TEX14: variants seen among roughly 807,000 people sequenced by gnomAD.
TEX14 encodes testis expressed 14, intercellular bridge forming factor.
In TEX14, 168 loss-of-function variants were observed where a neutral mutation model predicts 178.6. That is an observed-to-expected ratio of 0.94 (90% CI 0.83 to 1.07). The LOEUF (loss-of-function observed/expected upper bound fraction) is 1.07. Ranked by LOEUF, TEX14 falls within the 50% of genes least tolerant of loss-of-function variation. TEX14 has a pLI of 0.00. For synonymous variants in TEX14, 626 were observed against 634.1 expected (o/e 0.99, Z 0.19); for missense variants, 1,730 against 1,753.6 (o/e 0.99, Z 0.24).
intron 4 of TEX14, 49 bp downstream of exon 4, chr17:58,622,798 C>A: frequency 6.4e-7 from 1 of 1,554,908 alleles, no homozygotes; most frequent in Non-Finnish European, 8.8e-7. Context: ...TGACTCTCAG[C>A]CCAGTACTCT....
chr17:58,598,836 T>C, intron 14 of TEX14, 40 bp downstream of exon 14: 3 of 1,524,462 alleles, frequency 2.0e-6, no homozygotes, highest in Non-Finnish European at 2.7e-6. Flanking sequence ...TTTCTTTTCC[T>C]GGATCTTTTG....
At chr17:58,650,510 A>G (rs928594253) in intron 2 of TEX14, among the ~76,000 whole-genome samples, 3 of 152,176 alleles carry the variant, frequency 2.0e-5, no homozygotes, top group Admixed American at 6.5e-5. Context: ...GGGGTAGTAC[A>G]TGGAAAGGTT....
chr17:58,624,450 T>C (rs1053747980), intron 3 of TEX14, among the ~76,000 whole-genome samples: 16 of 150,974 alleles, frequency 1.1e-4, no homozygotes, highest in Non-Finnish European at 2.4e-4. Flanking sequence ...AAGTGGTTCT[T>C]CTGCCTCAGC....
intron 1 of TEX14, among the ~76,000 whole-genome samples, chr17:58,683,841 C>G (rs1398462280): frequency 6.7e-6 from 1 of 149,500 alleles, no homozygotes. Flanking sequence ...CTGAGGCGGG[C>G]GGATCACAAG....
intron 3 of TEX14, among the ~76,000 whole-genome samples, chr17:58,623,241 C>G (rs924697019): frequency 6.6e-6 from 1 of 151,902 alleles, no homozygotes; most frequent in African/African-American, 2.4e-5. Flanking sequence ...TTCACTCAAC[C>G]CTTCAAGGAA....
rs758983719 is a variant in TEX14 at position 58,598,875 on chromosome 17, C to A, written c.2469+1G>T. On this transcript the variant is annotated splice_donor_variant, in intron 14 of 31. Coordinates refer to ENST00000349033, the MANE Select transcript of TEX14 (RefSeq NM_031272.5). LOFTEE classifies it high-confidence loss of function. ...AAATGTCCCCCTTGAAAGTCTCTTA[C>A]CATTCTTGGAAATCTTGGTAGGGTT... 3.8e-6 allele frequency: 6 copies of A among 1,592,278 alleles called. No homozygotes were observed. The highest frequency in any genetic ancestry group is 4.3e-6 in the Non-Finnish European group (5 of 1,170,400).
At position 58,630,426 on chromosome 17, in the gene TEX14, A is replaced by G; in HGVS notation, c.251+14T>C. On this transcript the variant is annotated intron_variant, in intron 3 of 31. Coordinates refer to ENST00000349033, the MANE Select transcript of TEX14 (RefSeq NM_031272.5). ...CAACCCCTATTTTCTAGACATCAAT[A>G]TTATTGTACTTACTGATTTGGATCT... The G allele has an allele frequency of 1.9e-6, 3 of 1,558,214 alleles. No homozygotes were observed. Among genetic ancestry groups the G allele is most frequent in the South Asian group, 2.2e-5 (2 of 89,842 alleles).
chr17:58,559,448 C>T lies in TEX14; in HGVS notation c.4267+5G>A. On this transcript the variant is annotated splice_donor_5th_base_variant and intron_variant, in intron 30 of 31. Transcript: ENST00000349033. ...ACTACATTATAAACATACATTAATT[C>T]ATACCTTCTTCAGAAGTCCCTAGAA... 8.1e-7 allele frequency: 1 copy of T among 1,229,874 alleles called. No individual in the cohort carries two copies. The highest frequency in any genetic ancestry group is 1.2e-6 in the Non-Finnish European group (1 of 835,954). 76.2% of individuals were successfully genotyped at this position (1,229,874 alleles called of 1,614,324 possible).
At chr17:58,655,410 T>C (rs1227123957) in intron 1 of TEX14, among the ~76,000 whole-genome samples, 1 of 151,894 alleles carries the variant, frequency 6.6e-6, no homozygotes, top group African/African-American at 2.4e-5. Flanking sequence ...TCTCGATCTA[T>C]TGACCTCATG....
At chr17:58,566,146 T>C (rs1382471159) in intron 26 of TEX14, among the ~76,000 whole-genome samples, 1 of 152,132 alleles carries the variant, frequency 6.6e-6, no homozygotes, top group Non-Finnish European at 1.5e-5. Flanking sequence ...AAAATAGAAA[T>C]GATGATGATC....
At chr17:58,690,693 A>C (rs1439089674) in intron 1 of TEX14, among the ~76,000 whole-genome samples, 1 of 152,176 alleles carries the variant, frequency 6.6e-6, no homozygotes, top group Non-Finnish European at 1.5e-5. Context: ...AAGTTAAGCA[A>C]TGGGTTGAGT....
intron 10 of TEX14, among the ~76,000 whole-genome samples, chr17:58,609,031 G>A (rs1651377471): frequency 6.6e-6 from 1 of 152,230 alleles, no homozygotes; most frequent in Non-Finnish European, 1.5e-5. Context: ...AAAGTGAGCA[G>A]TTCAACTAGT....
At position 58,585,013 on chromosome 17, in the gene TEX14, G is replaced by A. The variant is rs983183699; in HGVS notation, c.3071-413C>T. ...TTTTTAACCTGTAAATCTATAAACCGATGACAATAAATGTCATGTGTCTCT... is the reference window on the plus strand; with the variant it reads ...TTTTTAACCTGTAAATCTATAAACCAATGACAATAAATGTCATGTGTCTCT... On this transcript the variant is annotated intron_variant, in intron 18 of 31. Coordinates refer to ENST00000349033, the MANE Select transcript of TEX14 (RefSeq NM_031272.5). Among the ~76,000 whole-genome samples the A allele has an allele frequency of 8.6e-5, 13 of 151,950 alleles. 1 individual carries two copies. The highest frequency in any genetic ancestry group is 2.2e-4 in the African/African-American group (9 of 41,346).
In TEX14 at chr17:58,641,345, G is replaced by C. The variant is rs1026518282; in HGVS notation, c.136+10521C>G. ...GAATCACTTGAATCTGGGAGGAGGAGGTTGCGATGAGCCAAGATTGGCCAC... is the reference window on the plus strand; with the variant it reads ...GAATCACTTGAATCTGGGAGGAGGACGTTGCGATGAGCCAAGATTGGCCAC... On this transcript the variant is annotated intron_variant, in intron 2 of 31. Coordinates refer to ENST00000349033, the MANE Select transcript of TEX14 (RefSeq NM_031272.5). Among the ~76,000 whole-genome samples, 4 of 151,876 alleles carry C rather than the reference G, an allele frequency of 2.6e-5. No homozygotes were observed. In the South Asian group the frequency reaches 8.3e-4, roughly 31 times the overall value.
chr17:58,690,071 G>A (rs150534425), intron 1 of TEX14, among the ~76,000 whole-genome samples: 1,742 of 151,984 alleles, frequency 0.011, 15 homozygotes, highest in Middle Eastern at 0.041. Context: ...GGATGGTCTC[G>A]ATCTCCTGAC....
intron 2 of TEX14, among the ~76,000 whole-genome samples, chr17:58,638,257 C>A (rs907375416): frequency 6.6e-6 from 1 of 151,476 alleles, no homozygotes; most frequent in African/African-American, 2.4e-5. Context: ...ACTTATAATC[C>A]CAGCACTTTG....
rs1379174100 is a variant in TEX14, at chr17:58,630,441, G to C, written c.250C>G (p.His84Asp). 2 of 1,602,336 alleles carry C rather than the reference G, an allele frequency of 1.2e-6. No individual in the cohort carries two copies. Among genetic ancestry groups the C allele is most frequent in the South Asian group, 2.2e-5 (2 of 90,832 alleles). The change falls in exon 3 of 32, where the codon CAC becomes GAC. Residue 84 changes from histidine (H) to aspartate (D), a missense_variant and splice_region_variant. His to Asp is a moderately conservative substitution (Grantham distance 81). Transcript: ENST00000349033. ...AGACATCAATATTATTGTACTTACT[G>C]ATTTGGATCTGATCCATAATCCACC... ...VLVDYGSDPN[H>D]RCFDGSTPVH... is the part of the protein sequence containing the mutation.
chr17:58,588,357 G>A (rs567661182), intron 15 of TEX14, among the ~76,000 whole-genome samples: 5 of 152,284 alleles, frequency 3.3e-5, no homozygotes, highest in South Asian at 2.1e-4. Context: ...GCAGTGGTAC[G>A]ACCTCAGCTC....
rs531193564 is a variant in TEX14, at chr17:58,658,997, C to T, written c.-1-6995G>A. ...CCCTTCCTAGAAACGGTATAAAATACTTAGCGAGCATCTAATTAAAACAGA... is the reference window on the plus strand; with the variant it reads ...CCCTTCCTAGAAACGGTATAAAATATTTAGCGAGCATCTAATTAAAACAGA... On this transcript the variant is annotated intron_variant, in intron 1 of 31. Transcript: ENST00000349033. Among the ~76,000 whole-genome samples the T allele has an allele frequency of 2.7e-5, 4 of 150,740 alleles. No homozygotes were observed. In the East Asian group the frequency reaches 7.9e-4, roughly 30 times the overall value.
Sources: gnomAD v4.1 joint callset for allele counts (sites outside exome capture counted in the v4.1 genomes callset) on GRCh38, gnomAD v4.1.1 for gene constraint, MANE v1.5 for transcripts, NCBI Gene and HGNC (gene_info 2026-07-23, HGNC 2026-07-21) for gene names.